NCKAP5: variants seen among roughly 807,000 people sequenced by gnomAD.
NCKAP5 encodes NCK associated protein 5.
A neutral mutation model predicts 167.0 loss-of-function variants in NCKAP5; 92 were observed. The ratio of observed to expected loss-of-function variants is 0.55; its 90% CI spans 0.47 to 0.66. The LOEUF is 0.66. NCKAP5 is among the 30% of genes least tolerant of loss of function. The pLI is 0.00. For missense variants in NCKAP5, 2,378 were observed against 2,315.0 expected, an observed-to-expected ratio of 1.03 and a Z score of -0.56; for synonymous variants, 891 against 877.4, an observed-to-expected ratio of 1.02 and a Z score of -0.27.
intron 10 of NCKAP5, among the ~76,000 whole-genome samples, chr2:132,864,595 C>G (rs180745534): frequency 1.3e-5 from 2 of 152,188 alleles, no homozygotes; most frequent in Non-Finnish European, 2.9e-5. Context: ...TGATTCTAGA[C>G]TCACTGCTAT....
intron 6 of NCKAP5, among the ~76,000 whole-genome samples, chr2:133,072,687 G>A (rs1573945736): frequency 6.6e-6 from 1 of 152,250 alleles, no homozygotes; most frequent in African/African-American, 2.4e-5. Context: ...AATGAGATAC[G>A]ATACCACATA....
intron 16 of NCKAP5, among the ~76,000 whole-genome samples, chr2:132,765,589 C>T (rs62177015): frequency 0.14 from 18,391 of 133,304 alleles, 1,380 homozygotes; most frequent in East Asian, 0.21. Flanking sequence ...CCACCGTGCC[C>T]GGCCTTTCCT....
At chr2:133,029,573 C>T (rs980297495) in intron 6 of NCKAP5, among the ~76,000 whole-genome samples, 5 of 152,174 alleles carry the variant, frequency 3.3e-5, no homozygotes, top group African/African-American at 1.2e-4. Context: ...TAAAAGTAGA[C>T]ATGACATCTA....
chr2:133,583,331 A>T, the NCKAP5 span, among the ~76,000 whole-genome samples: 37 of 152,184 alleles, frequency 2.4e-4, no homozygotes, highest in East Asian at 5.8e-3. Context: ...GTGAGTTCAC[A>T]TGAGATCTAG....
chr2:133,214,880 A>C (rs974556164), intron 4 of NCKAP5, among the ~76,000 whole-genome samples: 3 of 152,114 alleles, frequency 2.0e-5, no homozygotes, highest in Non-Finnish European at 4.4e-5. Flanking sequence ...ATCCCCAGAA[A>C]ATTTTCCCAC....
At chr2:132,917,609 T>C (rs1324493144) in intron 8 of NCKAP5, among the ~76,000 whole-genome samples, 2 of 152,182 alleles carry the variant, frequency 1.3e-5, no homozygotes, top group African/African-American at 4.8e-5. Flanking sequence ...ACTAGGCAAA[T>C]ACAGGGAAAA....
At chr2:132,729,111 C>T (rs1215900183) in intron 17 of NCKAP5, among the ~76,000 whole-genome samples, 159 bp from the exon 18 acceptor site, 1 of 152,172 alleles carries the variant, frequency 6.6e-6, no homozygotes, top group Non-Finnish European at 1.5e-5. Flanking sequence ...GTCTGTGCTG[C>T]CCAAAACATC....
chr2:133,129,912 C>T, intron 6 of NCKAP5, 66 bp downstream of exon 6: 6 of 1,473,554 alleles, frequency 4.1e-6, no homozygotes, highest in Middle Eastern at 1.8e-4. Flanking sequence ...GACATTCAAT[C>T]CAAGGTGTTA....
chr2:133,025,421 G>C (rs6737731), intron 6 of NCKAP5, among the ~76,000 whole-genome samples: 84,508 of 152,022 alleles, frequency 0.56, 23,779 homozygotes, highest in African/African-American at 0.62. Context: ...TTCAATGAAA[G>C]TTAGCTCACT....
intron 6 of NCKAP5, among the ~76,000 whole-genome samples, chr2:133,038,998 G>C (rs548478365): frequency 6.6e-6 from 1 of 152,142 alleles, no homozygotes; most frequent in South Asian, 2.1e-4. Context: ...GAAACCTGGG[G>C]AGGCTTATAC....
chr2:133,512,388 G>A (rs1455312628), intron 3 of NCKAP5, among the ~76,000 whole-genome samples: 1 of 152,164 alleles, frequency 6.6e-6, no homozygotes, highest in African/African-American at 2.4e-5. Flanking sequence ...ACGTAAAACA[G>A]GACTTTCAAA....
At chr2:132,741,390 A>T (rs1008096789) in intron 16 of NCKAP5, among the ~76,000 whole-genome samples, 3 of 152,142 alleles carry the variant, frequency 2.0e-5, no homozygotes, top group Non-Finnish European at 2.9e-5. Flanking sequence ...ACTTGTACAC[A>T]GTACTTACTG....
chr2:133,482,186 A>C (rs140271051), intron 3 of NCKAP5, among the ~76,000 whole-genome samples: 1 of 151,740 alleles, frequency 6.6e-6, no homozygotes, highest in African/African-American at 2.4e-5. Flanking sequence ...ATAGTATTAC[A>C]TTGTGTATAT....
chr2:133,246,258 GAA>G (rs112684321), intron 4 of NCKAP5, among the ~76,000 whole-genome samples: 2 of 144,128 alleles, frequency 1.4e-5, no homozygotes, highest in African/African-American at 5.1e-5. Flanking sequence ...TATTCTAATG[GAA>G]AAAAAAAAAA....
At chr2:133,118,669 A>T (rs2082158972) in intron 6 of NCKAP5, 1 of 152,228 alleles carries the variant, frequency 6.6e-6, no homozygotes, top group African/African-American at 2.4e-5. Flanking sequence ...TGAGTAAAGT[A>T]GAATATTATA....
chr2:132,952,888 G>A (rs1214659485), intron 8 of NCKAP5, among the ~76,000 whole-genome samples: 2 of 152,270 alleles, frequency 1.3e-5, no homozygotes, highest in African/African-American at 2.4e-5. Context: ...TGTTTGTTTG[G>A]GCATGTGATT....
intron 3 of NCKAP5, among the ~76,000 whole-genome samples, chr2:133,331,588 G>A (rs2150726773): frequency 6.6e-6 from 1 of 152,302 alleles, no homozygotes; most frequent in East Asian, 1.9e-4. Context: ...CAATTATTGT[G>A]TCCTCTCTAA....
chr2:133,588,527 C>T, the NCKAP5 span, among the ~76,000 whole-genome samples: 28 of 151,282 alleles, frequency 1.9e-4, no homozygotes, highest in African/African-American at 6.6e-4. Context: ...GCCTCATTTC[C>T]TTTTCCCATT....
At chr2:133,187,342 A>C (rs1208227657) in intron 5 of NCKAP5, among the ~76,000 whole-genome samples, 5 of 152,038 alleles carry the variant, frequency 3.3e-5, no homozygotes, top group Non-Finnish European at 7.4e-5. Flanking sequence ...ATTTTTAAAA[A>C]TTTATTGATA....
Sources: gnomAD v4.1 joint callset for allele counts (sites outside exome capture counted in the v4.1 genomes callset) on GRCh38, gnomAD v4.1.1 for gene constraint, MANE v1.5 for transcripts, NCBI Gene and HGNC (gene_info 2026-07-23, HGNC 2026-07-21) for gene names.